Variants in SLF2 observed in about 807,000 individuals in gnomAD.
The protein encoded by SLF2 is SMC5/6 complex localization factor 2, also known as SMC5-SMC6 complex localization factor protein 2.
Under a neutral mutation model 124.3 loss-of-function variants are expected in SLF2, and 68 were observed. That is an observed-to-expected ratio of 0.55 (90% CI 0.45 to 0.67). SLF2 has a LOEUF of 0.67. SLF2 is among the 30% of genes least tolerant of loss of function. The pLI is 0.00. For synonymous variants in SLF2, 480 were observed against 478.8 expected, an observed-to-expected ratio of 1.00 and a Z score of -0.03; for missense variants, 1,246 against 1,373.7, an observed-to-expected ratio of 0.91 and a Z score of 1.47.
At chr10:100,960,491 T>G (rs912255877) in intron 19 of SLF2, among the ~76,000 whole-genome samples, 2 of 152,214 alleles carry the variant, frequency 1.3e-5, no homozygotes, top group Non-Finnish European at 2.9e-5. Flanking sequence ...GGTTTTAGTT[T>G]GCATTTCCCT....
chr10:100,913,083 TCATGCCGCCGTCGCC>T lies in SLF2; in HGVS notation c.-27_-13del. On this transcript the variant is annotated 5_prime_UTR_variant, in exon 1 of 20. It removes an upstream start codon present in the reference 5' UTR. Coordinates refer to ENST00000238961, the MANE Select transcript of SLF2 (RefSeq NM_018121.4). ...CGCACCCAACTTCTCCAGCCACGGC[TCATGCCGCCGTCGCC>T]AGCGGCGCCGACATGACAAGGCGCT... The T allele has an allele frequency of 3.1e-6, 5 of 1,606,742 alleles. No homozygotes were observed. The highest frequency in any genetic ancestry group is 4.2e-6 in the Non-Finnish European group (5 of 1,176,594).
In SLF2 at chr10:100,962,745, A is replaced by G. The variant is rs1434719103; in HGVS notation, c.*833A>G. The stretch of plus-strand genomic sequence containing the variant: ...CCATATTACAGAAGTCTATATTGTA[A>G]AAGCCTAAAGATCTGGACAAGTTTC... On this transcript the variant is annotated 3_prime_UTR_variant, in exon 20 of 20. Coordinates refer to ENST00000238961, the MANE Select transcript of SLF2 (RefSeq NM_018121.4). 3 of 152,604 alleles carry G rather than the reference A, an allele frequency of 2.0e-5. No homozygotes were observed. Among genetic ancestry groups the G allele is most frequent in the African/African-American group, 7.2e-5 (3 of 41,424 alleles). The allele number at this position is 152,604 out of a possible 1,614,324, so 9.5% of individuals were successfully genotyped here.
intron 11 of SLF2, among the ~76,000 whole-genome samples, chr10:100,942,699 A>G (rs933202749): frequency 6.6e-6 from 1 of 152,106 alleles, no homozygotes; most frequent in African/African-American, 2.4e-5. Context: ...TTCTATTTCT[A>G]GCAGAGATGG....
At chr10:100,952,546 CAAAA>C (rs1189289965) in intron 17 of SLF2, among the ~76,000 whole-genome samples, 4 of 81,742 alleles carry the variant, frequency 4.9e-5, no homozygotes, top group Admixed American at 1.3e-4. Context: ...GACTCCACCT[CAAAA>C]AAAAAAAAAA....
intron 18 of SLF2, among the ~76,000 whole-genome samples, chr10:100,958,700 G>A (rs1850375874): frequency 2.0e-5 from 3 of 152,116 alleles, no homozygotes; most frequent in Admixed American, 2.0e-4. Context: ...AACTGTAGAT[G>A]AAGAAAAAAG....
intron 18 of SLF2, among the ~76,000 whole-genome samples, 179 bp from the exon 19 acceptor site, chr10:100,959,249 C>A (rs1850385659): frequency 6.6e-6 from 1 of 152,156 alleles, no homozygotes; most frequent in Admixed American, 6.5e-5. Context: ...TTATTAATTT[C>A]TATGATTTGA....
Position 100,952,709 on chromosome 10 carries a change from C to T in SLF2, c.3330+1956C>T, listed in dbSNP as rs192640249. ...ATCCCAGCACTTTGGGAGGCTGAGG[C>T]GGGTGGATCACCTGAGATCAGGAGT... On this transcript the variant is annotated intron_variant, in intron 17 of 19. Transcript: ENST00000238961. 4.7e-3 allele frequency among the ~76,000 whole-genome samples: 717 copies of T among 152,014 alleles called. 6 individuals are homozygous for T. The highest frequency in any genetic ancestry group is 0.017 in the African/African-American group (689 of 41,470).
intron 1 of SLF2, chr10:100,913,709 G>C: frequency 1.0e-6 from 1 of 994,492 alleles, no homozygotes; most frequent in Non-Finnish European, 1.2e-6. Context: ...CAGCGTGCAC[G>C]CTAGTTCATA....
intron 19 of SLF2, 149 bp downstream of exon 19, chr10:100,959,645 G>T: frequency 7.7e-7 from 1 of 1,297,866 alleles, no homozygotes; most frequent in Non-Finnish European, 9.9e-7. Flanking sequence ...TACATGGTTT[G>T]TAATTTTTTT....
chr10:100,925,124 G>A, intron 5 of SLF2, 152 bp downstream of exon 5: 2 of 897,694 alleles, frequency 2.2e-6, no homozygotes, highest in Non-Finnish European at 3.3e-6. Context: ...TGGTAAATGA[G>A]TTTCCATATC....
chr10:100,940,538 T>C (rs1337463713), intron 11 of SLF2, among the ~76,000 whole-genome samples: 1 of 152,224 alleles, frequency 6.6e-6, no homozygotes, highest in South Asian at 2.1e-4. Context: ...ATTTTTTTAT[T>C]TTTTGTGGAG....
intron 17 of SLF2, among the ~76,000 whole-genome samples, chr10:100,953,461 TA>T (rs761648681): frequency 1.0e-3 from 144 of 143,186 alleles, no homozygotes; most frequent in Middle Eastern, 3.7e-3. Flanking sequence ...CATCTCTGTT[TA>T]AAAAAAAAAA....
At chr10:100,954,077 CA>C (rs1850278590) in intron 17 of SLF2, among the ~76,000 whole-genome samples, 2 of 139,098 alleles carry the variant, frequency 1.4e-5, no homozygotes, top group Admixed American at 1.5e-4. Context: ...GGCAACAGAG[CA>C]GCATGCCATC....
chr10:100,917,410 G>C (rs1849438665), intron 3 of SLF2, 110 bp downstream of exon 3: 1 of 1,235,934 alleles, frequency 8.1e-7, no homozygotes, highest in African/African-American at 1.5e-5. Context: ...TTTCCTGAAG[G>C]AAATACTTAT....
chr10:100,944,903 G>T (rs1850073227), intron 12 of SLF2, among the ~76,000 whole-genome samples: 1 of 152,112 alleles, frequency 6.6e-6, no homozygotes, highest in African/African-American at 2.4e-5. Context: ...GGTGGCAGGT[G>T]CCTGTTATCC....
Position 100,924,924 on chromosome 10 carries a change from GCCT to G in SLF2, c.1927_1929del (p.Pro643del). ...ATCAGACTCCTGCAGCTACAGGAAA[GCCT>G]CCTGCTCTTTCCAAGGGGCTTAGAT... is the stretch of plus-strand genomic sequence containing the variant. On this transcript the variant is annotated inframe_deletion, in exon 5 of 20. Transcript: ENST00000238961. The G allele has an allele frequency of 1.2e-6, 2 of 1,614,078 alleles. No individual in the cohort carries two copies. Among genetic ancestry groups the G allele is most frequent in the African/African-American group, 1.3e-5 (1 of 75,060 alleles).
chr10:100,927,081 G>GT (rs5787405), intron 6 of SLF2, among the ~76,000 whole-genome samples: 1 of 151,530 alleles, frequency 6.6e-6, no homozygotes, highest in Non-Finnish European at 1.5e-5. Context: ...AATTTTTTGT[G>GT]TTTTTTTAAT....
At chr10:100,960,703 T>C (rs1850410632) in intron 19 of SLF2, among the ~76,000 whole-genome samples, 1 of 152,172 alleles carries the variant, frequency 6.6e-6, no homozygotes, top group South Asian at 2.1e-4. Flanking sequence ...GAGATATAAT[T>C]TGTAAATATT....
At chr10:100,923,048 TTACAGGTGTGAC>T (rs1203115108) in intron 4 of SLF2, among the ~76,000 whole-genome samples, 5 of 152,076 alleles carry the variant, frequency 3.3e-5, no homozygotes, top group Admixed American at 2.6e-4. Flanking sequence ...AATGCTGGGA[TTACAGGTGTGAC>T]CCACCGCACT....
Sources: allele counts gnomAD v4.1 joint callset (sites outside exome capture counted in the v4.1 genomes callset), GRCh38; gene constraint gnomAD v4.1.1; transcripts MANE v1.5; gene names NCBI Gene and HGNC (gene_info 2026-07-23, HGNC 2026-07-21).